Variants in KCNC1 observed in about 807,000 individuals in gnomAD.
KCNC1 encodes the protein voltage-gated potassium channel KCNC1.
Under a neutral mutation model 43.4 loss-of-function variants are expected in KCNC1, and 8 were observed. The observed-to-expected ratio is 0.18, with a 90% CI of 0.11 to 0.33. The LOEUF is 0.33. KCNC1 is among the 10% of genes least tolerant of loss of function. KCNC1 has a pLI of 1.00. For synonymous variants in KCNC1, 361 were observed against 360.5 expected (o/e 1.00, Z -0.01); for missense variants, 420 against 836.0 (o/e 0.50, Z 6.14).
rs1849319449 is a variant in KCNC1 at position 17,779,258 on chromosome 11, C to G, written c.1505-198C>G. On this transcript the variant is annotated intron_variant, in intron 2 of 3. Coordinates refer to ENST00000265969, the MANE Select transcript of KCNC1 (RefSeq NM_001112741.2). The surrounding 1 kb of genome is among the most constrained non-coding windows in gnomAD (Gnocchi z 7.2). Reference sequence around the variant, plus strand: ...CCCCACTCCCAGCACTGTGGGCAGCCCGAAGGCTGCCTGAATGAGCTGAAC... The same window carrying G: ...CCCCACTCCCAGCACTGTGGGCAGCGCGAAGGCTGCCTGAATGAGCTGAAC... 2 of 544,886 alleles carry G rather than the reference C, an allele frequency of 3.7e-6. No homozygotes were observed. Among genetic ancestry groups the G allele is most frequent in the Admixed American group, 3.5e-5 (1 of 28,244 alleles). 33.8% of individuals were successfully genotyped at this position (544,886 alleles called of 1,614,324 possible).
intron 1 of KCNC1, among the ~76,000 whole-genome samples, chr11:17,760,617 C>T (rs996486199): frequency 6.6e-6 from 1 of 152,166 alleles, no homozygotes. Flanking sequence ...CCCTCTGTAC[C>T]TGCTGGTGGC....
intron 1 of KCNC1, among the ~76,000 whole-genome samples, chr11:17,747,156 C>A (rs1264492146): frequency 6.6e-6 from 1 of 152,160 alleles, no homozygotes; most frequent in Admixed American, 6.5e-5. Flanking sequence ...TCCAGTCTGT[C>A]TACCAGGGGC....
At chr11:17,767,949 G>T (rs1209079986) in intron 1 of KCNC1, among the ~76,000 whole-genome samples, 1 of 152,210 alleles carries the variant, frequency 6.6e-6, no homozygotes, top group Non-Finnish European at 1.5e-5. Context: ...AATCTTATAA[G>T]GCCTGAGTTT....
intron 1 of KCNC1, among the ~76,000 whole-genome samples, chr11:17,762,091 G>A (rs1462013428): frequency 6.6e-6 from 1 of 152,302 alleles, no homozygotes; most frequent in South Asian, 2.1e-4. Flanking sequence ...CTCTGAGGCC[G>A]TCTCCTCAGG....
At chr11:17,758,992 T>A (rs1045854092) in intron 1 of KCNC1, among the ~76,000 whole-genome samples, 5 of 152,242 alleles carry the variant, frequency 3.3e-5, no homozygotes, top group African/African-American at 1.2e-4. Flanking sequence ...TCTCTCTAGC[T>A]ATGAAAACCC....
Position 17,781,314 on chromosome 11 carries a change from A to T in KCNC1, c.1694-356A>T. The T allele has an allele frequency of 4.5e-6, 1 of 224,316 alleles. No individual in the cohort carries two copies. The highest frequency in any genetic ancestry group is 8.7e-6 in the Non-Finnish European group (1 of 114,468). The allele number at this position is 224,316 out of a possible 1,614,324, so 13.9% of individuals were successfully genotyped here. A position where few individuals can be genotyped will look rare whatever the true frequency, so the allele number is the denominator to read the frequency against. Reference sequence around the variant, plus strand: ...AGGCTTAGGTGCCAGAGTCTTTGGGAGGCGCTAAGGGTGAAGTGTCCCCAC... The same window carrying T: ...AGGCTTAGGTGCCAGAGTCTTTGGGTGGCGCTAAGGGTGAAGTGTCCCCAC... On this transcript the variant is annotated intron_variant, in intron 3 of 3. Coordinates refer to ENST00000265969, the MANE Select transcript of KCNC1 (RefSeq NM_001112741.2). The surrounding 1 kb of genome is among the most constrained non-coding windows in gnomAD (Gnocchi z 5.1).
chr11:17,779,295 C>G lies in KCNC1; in HGVS notation c.1505-161C>G, dbSNP rs533428986. ...TGAATGAGCTGAACCCCCCACCAAG[C>G]CCCCTGCCTTGTGCCCTCCTCGCTC... On this transcript the variant is annotated intron_variant, in intron 2 of 3. Coordinates refer to ENST00000265969, the MANE Select transcript of KCNC1 (RefSeq NM_001112741.2). The surrounding 1 kb of genome is among the most constrained non-coding windows in gnomAD (Gnocchi z 7.2). 1.7e-6 allele frequency: 1 copy of G among 579,776 alleles called. No individual in the cohort carries two copies. Among genetic ancestry groups the G allele is most frequent in the Admixed American group, 3.4e-5 (1 of 29,198 alleles). 35.9% of individuals were successfully genotyped at this position (579,776 alleles called of 1,614,324 possible).
chr11:17,736,626 C>A lies in KCNC1; in HGVS notation c.570+54C>A, dbSNP rs1466127682. On this transcript the variant is annotated intron_variant, in intron 1 of 3. Transcript: ENST00000265969. The surrounding 1 kb of genome is among the most constrained non-coding windows in gnomAD (Gnocchi z 9.3). ...CGGGGCGGGAAGGCAGCGTCCTGTG[C>A]CTCCCCGCGGGCAGGGGTGGACCGG... is the stretch of plus-strand genomic sequence containing the variant. The A allele has an allele frequency of 4.1e-6, 6 of 1,448,216 alleles. No individual in the cohort carries two copies. The Admixed American group carries it at 1.6e-4, about 40-fold the overall frequency. The allele number at this position is 1,448,216 out of a possible 1,614,324, so 89.7% of individuals were successfully genotyped here.
intron 1 of KCNC1, among the ~76,000 whole-genome samples, chr11:17,765,032 G>T (rs1849132999): frequency 6.6e-6 from 1 of 152,216 alleles, no homozygotes; most frequent in African/African-American, 2.4e-5. Context: ...CTGGATGTCA[G>T]CCAGGGCTCC....
chr11:17,773,494 A>T lies in KCNC1; in HGVS notation c.1504+896A>T. 2 of 983,546 alleles carry T rather than the reference A, an allele frequency of 2.0e-6. No homozygotes were observed. The allele number at this position is 983,546 out of a possible 1,614,324, so 60.9% of individuals were successfully genotyped here. A position where few individuals can be genotyped will look rare whatever the true frequency, so the allele number is the denominator to read the frequency against. On this transcript the variant is annotated intron_variant, in intron 2 of 3. Transcript: ENST00000265969. The surrounding 1 kb of genome is among the most constrained non-coding windows in gnomAD (Gnocchi z 4.1). ...GTTCTCCCCGTTTCCAGCGGTAGGG[A>T]CTGCAGCAGCAATATAGACATCCCA...
intron 1 of KCNC1, among the ~76,000 whole-genome samples, chr11:17,755,751 G>T (rs1223017407): frequency 6.6e-6 from 1 of 152,192 alleles, no homozygotes; most frequent in Non-Finnish European, 1.5e-5. Flanking sequence ...TCCATCTGGA[G>T]ATGCCAGGGA....
chr11:17,762,569 C>G (rs1849090664), intron 1 of KCNC1, among the ~76,000 whole-genome samples: 1 of 152,196 alleles, frequency 6.6e-6, no homozygotes. Context: ...ACGGTCCTGC[C>G]GTTTCTGCTC....
chr11:17,763,492 C>A (rs1173125179), intron 1 of KCNC1, among the ~76,000 whole-genome samples: 1 of 151,532 alleles, frequency 6.6e-6, no homozygotes, highest in African/African-American at 2.4e-5. Context: ...CATGCACTGC[C>A]CCCCACACAC....
intron 1 of KCNC1, among the ~76,000 whole-genome samples, chr11:17,752,306 G>T (rs1032309392): frequency 3.3e-5 from 5 of 152,166 alleles, no homozygotes; most frequent in Admixed American, 6.5e-5. Context: ...GCACCAAGCT[G>T]CACCCCCCAC....
chr11:17,761,889 C>T (rs1043985717), intron 1 of KCNC1, among the ~76,000 whole-genome samples: 2 of 152,206 alleles, frequency 1.3e-5, no homozygotes, highest in Non-Finnish European at 2.9e-5. Context: ...CTCTCCCTCC[C>T]CTGCCATCCT....
At position 17,781,971 on chromosome 11, in the gene KCNC1, G is replaced by A. The variant is rs1047990139; in HGVS notation, c.*237G>A. 3 of 453,422 alleles carry A rather than the reference G, an allele frequency of 6.6e-6. No individual in the cohort carries two copies. Among genetic ancestry groups the A allele is most frequent in the Non-Finnish European group, 1.2e-5 (3 of 258,792 alleles). 28.1% of individuals were successfully genotyped at this position (453,422 alleles called of 1,614,324 possible). A position where few individuals can be genotyped will look rare whatever the true frequency, so the allele number is the denominator to read the frequency against. Reference sequence around the variant, plus strand: ...AAATTTTATTTTATTTGGGGAGGGGGGGTGGAGGGGCTCCTTAGCATGACT... The same window carrying A: ...AAATTTTATTTTATTTGGGGAGGGGAGGTGGAGGGGCTCCTTAGCATGACT... On this transcript the variant is annotated 3_prime_UTR_variant, in exon 4 of 4. Transcript: ENST00000265969. This position sits in a 1 kb window ranked among gnomAD's most constrained non-coding sequence, Gnocchi z 5.1.
chr11:17,772,778 A>G lies in KCNC1; in HGVS notation c.1504+180A>G, dbSNP rs1590106963. The G allele has an allele frequency of 2.0e-6, 3 of 1,480,960 alleles. No homozygotes were observed. In the East Asian group the frequency reaches 7.0e-5, roughly 34 times the overall value. 91.7% of individuals were successfully genotyped at this position (1,480,960 alleles called of 1,614,324 possible). A position where few individuals can be genotyped will look rare whatever the true frequency, so the allele number is the denominator to read the frequency against. ...TGCTGGGCGGCCAAATTCAGCAGGC[A>G]AGAGCCTGCTAGAGGAACCTCACTG... On this transcript the variant is annotated intron_variant, in intron 2 of 3. Transcript: ENST00000265969.
Position 17,779,245 on chromosome 11 carries a change from C to G in KCNC1, c.1505-211C>G, listed in dbSNP as rs1445974517. ...CAAACCCAGGAGTCCCCACTCCCAG[C>G]ACTGTGGGCAGCCCGAAGGCTGCCT... On this transcript the variant is annotated intron_variant, in intron 2 of 3. Coordinates refer to ENST00000265969, the MANE Select transcript of KCNC1 (RefSeq NM_001112741.2). This position sits in a 1 kb window ranked among gnomAD's most constrained non-coding sequence, Gnocchi z 7.2. 1.9e-6 allele frequency: 1 copy of G among 520,122 alleles called. No individual in the cohort carries two copies. Among genetic ancestry groups the G allele is most frequent in the East Asian group, 3.2e-5 (1 of 31,674 alleles). The allele number at this position is 520,122 out of a possible 1,614,324, so 32.2% of individuals were successfully genotyped here.
rs776064757 is a variant in KCNC1, at chr11:17,772,411, C to T, written c.1317C>T (p.Phe439=). The T allele has an allele frequency of 1.3e-5, 21 of 1,614,020 alleles. No individual in the cohort carries two copies. The highest frequency in any genetic ancestry group is 1.5e-5 in the Non-Finnish European group (18 of 1,180,046). The change falls in exon 2 of 4, where the codon TTC becomes TTT. Residue 439 remains phenylalanine (F), a synonymous_variant. Coordinates refer to ENST00000265969, the MANE Select transcript of KCNC1 (RefSeq NM_001112741.2). ...CCGTGCCCGTCATCGTGAACAATTTCGGGATGTATTACTCCTTAGCCATGG... is the reference window on the plus strand; with the variant it reads ...CCGTGCCCGTCATCGTGAACAATTTTGGGATGTATTACTCCTTAGCCATGG... ...AMPVPVIVNN[F]GMYYSLAMAK... is the part of the protein sequence containing the mutation.
Sources: gnomAD v4.1 joint callset for allele counts (sites outside exome capture counted in the v4.1 genomes callset) on GRCh38, gnomAD v4.1.1 for gene constraint, Gnocchi (gnomAD v3.1) non-coding constraint, MANE v1.5 for transcripts, NCBI Gene and HGNC (gene_info 2026-07-23, HGNC 2026-07-21) for gene names.